The following RHBDL2 variants were observed in gnomAD, a reference collection of about 807,000 sequenced individuals.
RHBDL2 encodes the protein rhomboid-related protein 2.
Under a neutral mutation model 31.7 loss-of-function variants are expected in RHBDL2, and 26 were observed. The ratio of observed to expected loss-of-function variants is 0.82; its 90% CI spans 0.60 to 1.14. The LOEUF (loss-of-function observed/expected upper bound fraction) is 1.14, where lower values mean the gene tolerates loss of function less well. Among genes scored for constraint, RHBDL2 ranks in the 50% most tolerant of loss-of-function variants. RHBDL2 has a pLI of 0.00. For synonymous variants in RHBDL2, 123 were observed against 127.2 expected (o/e 0.97, Z 0.22); for missense variants, 336 against 364.4 (o/e 0.92, Z 0.63).
intron 1 of RHBDL2, among the ~76,000 whole-genome samples, chr1:38,938,155 C>T (rs1054112558): frequency 4.6e-5 from 7 of 151,950 alleles, no homozygotes; most frequent in Non-Finnish European, 1.0e-4. Context: ...GTGGCTGGGA[C>T]TACAGGTGCA....
chr1:38,929,703 G>A (rs1204742199), intron 1 of RHBDL2: 10 of 464,376 alleles, frequency 2.2e-5, no homozygotes, highest in Non-Finnish European at 2.8e-5. Context: ...GAGACTTTCG[G>A]TGGTGTTGCT....
At chr1:38,907,528 G>A (rs976677477) in intron 4 of RHBDL2, among the ~76,000 whole-genome samples, 4 of 150,464 alleles carry the variant, frequency 2.7e-5, no homozygotes, top group African/African-American at 2.4e-5. Flanking sequence ...CGACAAAAGC[G>A]CAACTCTGTC....
Position 38,938,517 on chromosome 1 carries a change from C to T in RHBDL2, c.-126+3165G>A, listed in dbSNP as rs907349559. ...CTCCATGAGGTCTTTTCATGAGCTC[C>T]TCCCTCTGCTAGAACATCCTCCCAC... is the stretch of plus-strand genomic sequence containing the variant. On this transcript the variant is annotated intron_variant, in intron 1 of 7. Transcript: ENST00000372990. 1.3e-5 allele frequency among the ~76,000 whole-genome samples: 2 copies of T among 152,150 alleles called. 1 individual carries two copies. The highest frequency in any genetic ancestry group is 1.3e-4 in the Admixed American group (2 of 15,266).
chr1:38,941,630 C>T (rs1194144516), intron 1 of RHBDL2, 52 bp downstream of exon 1: 1 of 152,848 alleles, frequency 6.5e-6, no homozygotes, highest in Admixed American at 6.5e-5. Flanking sequence ...GCTGCCGCCC[C>T]CTTGTCCTGA....
chr1:38,899,973 C>A (rs1642968964), intron 4 of RHBDL2, among the ~76,000 whole-genome samples: 1 of 152,148 alleles, frequency 6.6e-6, no homozygotes, highest in Non-Finnish European at 1.5e-5. Flanking sequence ...TCCTTTCCTG[C>A]AAGCAGTGTG....
intron 4 of RHBDL2, among the ~76,000 whole-genome samples, chr1:38,906,629 G>A (rs1237720734): frequency 1.3e-5 from 2 of 150,832 alleles, no homozygotes; most frequent in South Asian, 2.1e-4. Context: ...AGCGGAGATC[G>A]CACCACTGCA....
At chr1:38,931,628 T>C (rs984550613) in intron 1 of RHBDL2, among the ~76,000 whole-genome samples, 3 of 152,038 alleles carry the variant, frequency 2.0e-5, no homozygotes, top group African/African-American at 7.2e-5. Context: ...TGAATGCTTA[T>C]GTGATGTGTG....
chr1:38,913,893 C>T (rs567359747), intron 3 of RHBDL2, among the ~76,000 whole-genome samples: 10 of 152,104 alleles, frequency 6.6e-5, no homozygotes, highest in Middle Eastern at 3.4e-3. Context: ...CCAAGGCAGG[C>T]GGATCACAAG....
intron 5 of RHBDL2, 73 bp downstream of exon 5, chr1:38,895,896 C>A: frequency 1.1e-6 from 1 of 918,408 alleles, no homozygotes; most frequent in Non-Finnish European, 1.7e-6. Context: ...AATGAAGGTT[C>A]GTTGAAACAA....
chr1:38,915,851 A>G, intron 2 of RHBDL2, 141 bp from the exon 3 acceptor site: 1 of 714,712 alleles, frequency 1.4e-6, no homozygotes, highest in Non-Finnish European at 2.4e-6. Context: ...CATGAAATAC[A>G]CTTCTTCACC....
At chr1:38,929,482 T>A (rs1275658752) in intron 1 of RHBDL2, 2 of 1,289,466 alleles carry the variant, frequency 1.6e-6, no homozygotes, top group South Asian at 2.5e-5. Flanking sequence ...CTTTTAGTTG[T>A]GAGCTTGTGC....
chr1:38,941,237 C>G (rs1021325723), intron 1 of RHBDL2, among the ~76,000 whole-genome samples: 7 of 152,194 alleles, frequency 4.6e-5, no homozygotes, highest in African/African-American at 1.7e-4. Context: ...AGCCGCCTTG[C>G]GGGTAGAAGT....
At chr1:38,890,555 C>T (rs1477053112) in intron 6 of RHBDL2, among the ~76,000 whole-genome samples, 1 of 152,154 alleles carries the variant, frequency 6.6e-6, no homozygotes, top group Non-Finnish European at 1.5e-5. Context: ...TTTCCTCTTT[C>T]TGCTTCCTAG....
intron 1 of RHBDL2, among the ~76,000 whole-genome samples, chr1:38,938,273 C>T (rs1164138963): frequency 6.6e-6 from 1 of 152,050 alleles, no homozygotes; most frequent in Non-Finnish European, 1.5e-5. Context: ...CCTCGGCCTC[C>T]CAAAGTGCTG....
intron 3 of RHBDL2, among the ~76,000 whole-genome samples, chr1:38,912,675 C>T (rs1643165739): frequency 6.6e-6 from 1 of 151,650 alleles, no homozygotes; most frequent in Non-Finnish European, 1.5e-5. Context: ...TCCACCTCAG[C>T]CCCTCAAAGG....
At chr1:38,920,236 C>T (rs1221099054) in intron 1 of RHBDL2, among the ~76,000 whole-genome samples, 2 of 133,172 alleles carry the variant, frequency 1.5e-5, no homozygotes, top group African/African-American at 5.9e-5. Context: ...GGTGCGATCT[C>T]GGCTCACTGG....
At chr1:38,934,587 T>C (rs1570944258) in intron 1 of RHBDL2, among the ~76,000 whole-genome samples, 1 of 125,592 alleles carries the variant, frequency 8.0e-6, no homozygotes, top group South Asian at 2.5e-4. Context: ...ACCCGGGAGG[T>C]GGAGGTTGCA....
intron 1 of RHBDL2, among the ~76,000 whole-genome samples, chr1:38,932,629 T>C (rs1334233922): frequency 6.6e-6 from 1 of 152,152 alleles, no homozygotes; most frequent in African/African-American, 2.4e-5. Flanking sequence ...CCAACTAATT[T>C]TCGCATTTTT....
intron 3 of RHBDL2, 122 bp downstream of exon 3, chr1:38,915,440 A>G: frequency 2.1e-6 from 2 of 953,090 alleles, no homozygotes; most frequent in Admixed American, 4.6e-5. Context: ...CCTACCCCTT[A>G]GGGTTGCTGT....
Sources: allele counts gnomAD v4.1 joint callset (sites outside exome capture counted in the v4.1 genomes callset), GRCh38; gene constraint gnomAD v4.1.1; transcripts MANE v1.5; gene names NCBI Gene and HGNC (gene_info 2026-07-23, HGNC 2026-07-21).